The following ZDHHC24 variants were observed in gnomAD, a reference collection of about 807,000 sequenced individuals.
ZDHHC24 encodes the protein zDHHC palmitoyltransferase 24.
ZDHHC24 carries 17 observed loss-of-function variants against 23.2 expected under a neutral mutation model. That is an observed-to-expected ratio of 0.73 (90% confidence interval 0.50 to 1.10). The LOEUF (loss-of-function observed/expected upper bound fraction) is 1.10, where lower values mean the gene tolerates loss of function less well. Among genes scored for constraint, ZDHHC24 ranks in the 50% least tolerant of loss-of-function variants. ZDHHC24 has a pLI of 0.00. For missense variants in ZDHHC24, 366 were observed against 393.0 expected, an observed-to-expected ratio of 0.93 and a Z score of 0.58; for synonymous variants, 186 against 194.5, an observed-to-expected ratio of 0.96 and a Z score of 0.36.
At chr11:66,526,035 A>T in intron 4 of ZDHHC24, 1 of 1,162,000 alleles carries the variant, frequency 8.6e-7, no homozygotes, top group Non-Finnish European at 1.3e-6. Flanking sequence ...CTTCTCACCT[A>T]TTATATCTGG....
chr11:66,544,328 T>C (rs1228801585), intron 1 of ZDHHC24, among the ~76,000 whole-genome samples: 2 of 152,140 alleles, frequency 1.3e-5, no homozygotes, highest in East Asian at 3.8e-4. Flanking sequence ...TGGTCTCCGA[T>C]TCCACCTTTG....
Position 66,538,018 on chromosome 11 carries a change from A to C in ZDHHC24, c.*1511T>G, listed in dbSNP as rs1350163940. The C allele has an allele frequency of 6.6e-6, 1 of 152,186 alleles. No homozygotes were observed. The highest frequency in any genetic ancestry group is 1.5e-5 in the Non-Finnish European group (1 of 68,032). 9.4% of individuals were successfully genotyped at this position (152,186 alleles called of 1,614,324 possible). On this transcript the variant is annotated 3_prime_UTR_variant, in exon 3 of 3. Transcript: ENST00000310442. ...ACGCCTGTAATCCTAGCACTTTGGGAGACGGAGGTGGAGGCAGGTGCCAGG... is the reference window on the plus strand; with the variant it reads ...ACGCCTGTAATCCTAGCACTTTGGGCGACGGAGGTGGAGGCAGGTGCCAGG...
In ZDHHC24 at chr11:66,545,856, C is replaced by T. The variant is rs996895597; in HGVS notation, c.148G>A (p.Ala50Thr). The T allele has an allele frequency of 6.4e-7, 1 of 1,552,806 alleles. No homozygotes were observed. The highest frequency in any genetic ancestry group is 2.4e-5 in the East Asian group (1 of 41,958). ...GPGPPPLGPLARALQLALAAF... is the reference protein window; with the variant it reads ...GPGPPPLGPLTRALQLALAAF... ...GCCAGCGCCAGCTGCAAGGCCCGGG[C>T]CAGGGGTCCCAGCGGCGGCGGCCCG... is the stretch of plus-strand genomic sequence containing the variant. Residue 50 changes from alanine to threonine, a missense_variant, in exon 1 of 3, where the codon GCC becomes ACC. Transcript: ENST00000310442. This position sits in a 1 kb window ranked among gnomAD's most constrained non-coding sequence, Gnocchi z 4.5.
At chr11:66,525,965 G>A (rs1488566013) in intron 4 of ZDHHC24, among the ~76,000 whole-genome samples, 2 of 152,176 alleles carry the variant, frequency 1.3e-5, no homozygotes, top group East Asian at 1.9e-4. Flanking sequence ...AGATTGGAGG[G>A]GAGATGAGAA....
rs527763589 is a variant in ZDHHC24, at chr11:66,539,306, C to A, written c.*223G>T. On this transcript the variant is annotated 3_prime_UTR_variant, in exon 3 of 3. Transcript: ENST00000310442. Reference sequence around the variant, plus strand: ...TTAACCTGGCAAAGGGGCAGCTAGGCGGCCTGAGCAGCCCCTGCCAGACCC... The same window carrying A: ...TTAACCTGGCAAAGGGGCAGCTAGGAGGCCTGAGCAGCCCCTGCCAGACCC... 11 of 1,254,356 alleles carry A rather than the reference C, an allele frequency of 8.8e-6. No homozygotes were observed. Among genetic ancestry groups the A allele is most frequent in the Non-Finnish European group, 1.1e-5 (11 of 1,002,054 alleles). The allele number at this position is 1,254,356 out of a possible 1,614,324, so 77.7% of individuals were successfully genotyped here. A position where few individuals can be genotyped will look rare whatever the true frequency, so the allele number is the denominator to read the frequency against.
chr11:66,541,487 G>A (rs916913793), intron 2 of ZDHHC24, among the ~76,000 whole-genome samples: 2 of 152,130 alleles, frequency 1.3e-5, no homozygotes, highest in African/African-American at 4.8e-5. Context: ...ACGGTCTGCA[G>A]GTCTGCAAGC....
intron 3 of ZDHHC24, chr11:66,527,147 A>AG (rs1856550178): frequency 1.3e-6 from 1 of 791,666 alleles, no homozygotes; most frequent in South Asian, 1.6e-5. Flanking sequence ...CAGAGGTGGG[A>AG]GGACAGCATG....
chr11:66,526,895 G>A (rs1490226728), intron 4 of ZDHHC24: 11 of 1,611,782 alleles, frequency 6.8e-6, no homozygotes, highest in East Asian at 2.2e-5. Flanking sequence ...GCCTCCCTGT[G>A]CACTGGGAGG....
At chr11:66,523,815 C>T (rs754741457) in intron 4 of ZDHHC24, 3 of 1,613,646 alleles carry the variant, frequency 1.9e-6, no homozygotes, top group South Asian at 2.2e-5. Flanking sequence ...GCCGTCATGG[C>T]TGGGCTGGCC....
Position 66,537,007 on chromosome 11 carries a change from A to T in ZDHHC24, c.*2522T>A, listed in dbSNP as rs1231016825. ...CACCAAGTTCCTCCTGTCATTAAAA[A>T]ATAGCAACAGAGCATGCCTGTTACA... On this transcript the variant is annotated 3_prime_UTR_variant, in exon 3 of 3. Coordinates refer to ENST00000310442, the MANE Select transcript of ZDHHC24 (RefSeq NM_207340.3). 6.6e-6 allele frequency: 1 copy of T among 152,070 alleles called. No individual in the cohort carries two copies. Among genetic ancestry groups the T allele is most frequent in the Non-Finnish European group, 1.5e-5 (1 of 68,006 alleles). The allele number at this position is 152,070 out of a possible 1,614,324, so 9.4% of individuals were successfully genotyped here. A position where few individuals can be genotyped will look rare whatever the true frequency, so the allele number is the denominator to read the frequency against.
chr11:66,523,918 C>G, intron 4 of ZDHHC24: 1 of 1,610,530 alleles, frequency 6.2e-7, no homozygotes, highest in Non-Finnish European at 8.5e-7. Context: ...ACTCACTCCT[C>G]CTTGCCCTCG....
intron 4 of ZDHHC24, chr11:66,526,274 G>A: frequency 7.2e-7 from 1 of 1,395,714 alleles, no homozygotes; most frequent in South Asian, 1.2e-5. Context: ...GGAGGAGGTG[G>A]AAATGAAGCA....
intron 2 of ZDHHC24, 83 bp from the exon 3 acceptor site, chr11:66,539,907 G>A (rs1233441658): frequency 7.4e-7 from 1 of 1,348,694 alleles, no homozygotes; most frequent in East Asian, 2.6e-5. Context: ...CCACAAAGCA[G>A]GGCTCATTCC....
intron 4 of ZDHHC24, chr11:66,522,891 G>T: frequency 2.9e-6 from 1 of 346,910 alleles, no homozygotes. Flanking sequence ...TCTCTGTGGA[G>T]ATGGCTTGAA....
At chr11:66,531,111 T>C, downstream of ZDHHC24, 1 of 1,573,870 alleles carries the variant, frequency 6.4e-7, no homozygotes, top group Non-Finnish European at 8.7e-7. Context: ...CCCCGCCAGG[T>C]CAGGGTCAGA....
chr11:66,532,926 T>G (rs1283982575), downstream of ZDHHC24: 3 of 152,184 alleles, frequency 2.0e-5, no homozygotes, highest in Non-Finnish European at 4.4e-5. Flanking sequence ...TAGATGCCCT[T>G]CTACATCCTG....
rs1856210611 is a variant in ZDHHC24 at position 66,521,392 on chromosome 11, G to A, written c.*96C>T. ...TTCTGAGAAGGTAGCCACATCCGTGGTCTCCGGGGCCGGGAGGAACATCTC... is the reference window on the plus strand; with the variant it reads ...TTCTGAGAAGGTAGCCACATCCGTGATCTCCGGGGCCGGGAGGAACATCTC... On this transcript the variant is annotated 3_prime_UTR_variant, in exon 5 of 5. Coordinates refer to the ZDHHC24 transcript ENST00000526986. 2 of 1,605,112 alleles carry A rather than the reference G, an allele frequency of 1.2e-6. No homozygotes were observed. The highest frequency in any genetic ancestry group is 2.7e-5 in the African/African-American group (2 of 74,754).
At chr11:66,531,556 G>A (rs1856780519), downstream of ZDHHC24, 5 of 1,489,840 alleles carry the variant, frequency 3.4e-6, no homozygotes, top group Non-Finnish European at 2.8e-6. Context: ...ACCCTGCAGG[G>A]GTGCTGAGGC....
downstream of ZDHHC24, among the ~76,000 whole-genome samples, chr11:66,534,934 A>G (rs1314956029): frequency 5.9e-5 from 9 of 151,300 alleles, 1 homozygote; most frequent in Non-Finnish European, 1.5e-5. Context: ...TCACCTCGTG[A>G]TCTGCTAGAG....
Sources: allele counts gnomAD v4.1 joint callset (sites outside exome capture counted in the v4.1 genomes callset), GRCh38; gene constraint gnomAD v4.1.1; non-coding constraint Gnocchi (gnomAD v3.1); transcripts MANE v1.5; gene names NCBI Gene and HGNC (gene_info 2026-07-23, HGNC 2026-07-21).